Variants in MECOM observed in about 807,000 individuals in gnomAD.
MECOM encodes MDS1 and EVI1 complex locus.
A neutral mutation model predicts 116.3 loss-of-function variants in MECOM; 13 were observed. That is an observed-to-expected ratio of 0.11 (90% CI 0.07 to 0.18). MECOM has a LOEUF of 0.18. Among genes scored for constraint, MECOM ranks in the 10% least tolerant of loss-of-function variants. The pLI is 1.00. For synonymous variants in MECOM, 528 were observed against 535.2 expected, an observed-to-expected ratio of 0.99 and a Z score of 0.19; for missense variants, 1,299 against 1,509.0, an observed-to-expected ratio of 0.86 and a Z score of 2.31.
intron 1 of MECOM, among the ~76,000 whole-genome samples, chr3:169,631,822 G>A (rs1337234313): frequency 2.0e-5 from 3 of 151,926 alleles, no homozygotes; most frequent in South Asian, 4.2e-4. Context: ...CTTGGTTCAA[G>A]GCTGTTGAGT....
intron 1 of MECOM, among the ~76,000 whole-genome samples, chr3:169,659,028 A>G (rs1317641169): frequency 6.6e-6 from 1 of 151,056 alleles, no homozygotes; most frequent in Non-Finnish European, 1.5e-5. Flanking sequence ...CCAAACAGTA[A>G]CATGCTTAAA....
At chr3:169,390,061 T>C (rs1033967554) in intron 1 of MECOM, among the ~76,000 whole-genome samples, 1 of 152,188 alleles carries the variant, frequency 6.6e-6, no homozygotes, top group Non-Finnish European at 1.5e-5. Flanking sequence ...GGAGTTGTGC[T>C]TGCGTCAATA....
chr3:169,318,992 G>C (rs541072683), intron 2 of MECOM, among the ~76,000 whole-genome samples: 3 of 151,810 alleles, frequency 2.0e-5, no homozygotes, highest in African/African-American at 7.3e-5. Flanking sequence ...CCAGCTACTC[G>C]GGAGGTGAGG....
intron 1 of MECOM, among the ~76,000 whole-genome samples, chr3:169,387,403 T>C (rs557852527): frequency 2.6e-5 from 4 of 152,366 alleles, no homozygotes; most frequent in Non-Finnish European, 5.9e-5. Flanking sequence ...TAACTCACCA[T>C]TTGTTTCTTT....
At chr3:169,208,254 C>A (rs1030634628) in intron 2 of MECOM, among the ~76,000 whole-genome samples, 2 of 147,410 alleles carry the variant, frequency 1.4e-5, no homozygotes, top group Non-Finnish European at 3.0e-5. Flanking sequence ...TGTAAATATA[C>A]AATATATAAT....
chr3:169,165,406 G>A (rs1033172545), intron 2 of MECOM, among the ~76,000 whole-genome samples: 13 of 152,120 alleles, frequency 8.5e-5, no homozygotes, highest in Non-Finnish European at 4.4e-5. Flanking sequence ...CCAGAAGTGT[G>A]TAATTAGTCT....
chr3:169,643,002 A>G (rs1773693840), intron 1 of MECOM, among the ~76,000 whole-genome samples: 1 of 152,222 alleles, frequency 6.6e-6, no homozygotes, highest in Non-Finnish European at 1.5e-5. Flanking sequence ...AATATCCCCA[A>G]TCACAAAAGA....
intron 1 of MECOM, among the ~76,000 whole-genome samples, chr3:169,610,636 A>T (rs952751554): frequency 6.6e-6 from 1 of 152,130 alleles, no homozygotes; most frequent in Non-Finnish European, 1.5e-5. Context: ...CACCAGAAAC[A>T]TATTTGCTGT....
chr3:169,390,531 A>G (rs1734051088), intron 1 of MECOM, among the ~76,000 whole-genome samples: 1 of 152,028 alleles, frequency 6.6e-6, no homozygotes, highest in African/African-American at 2.4e-5. Context: ...AGAAAGCTGC[A>G]CCCCTTCACA....
At chr3:169,601,879 G>C (rs775268812) in intron 1 of MECOM, among the ~76,000 whole-genome samples, 1 of 152,280 alleles carries the variant, frequency 6.6e-6, no homozygotes, top group Middle Eastern at 3.4e-3. Flanking sequence ...TATATTTATT[G>C]ACAAGGGCAA....
At position 169,467,559 on chromosome 3, in the gene MECOM, C is replaced by T. The variant is rs531683166; in HGVS notation, c.38-86035G>A. 2.2e-4 allele frequency among the ~76,000 whole-genome samples: 33 copies of T among 152,070 alleles called. No individual in the cohort carries two copies. In the South Asian group the frequency reaches 6.5e-3, roughly 30 times the overall value. On this transcript the variant is annotated intron_variant, in intron 1 of 16. Coordinates refer to ENST00000651503, the MANE Select transcript of MECOM (RefSeq NM_004991.4). ...CTACTTTAAGTGTGTTTTTATATAC[C>T]CTTGAGTGTCCAACTAGTTAAACTA...
At chr3:169,374,953 C>A (rs762396821) in intron 2 of MECOM, among the ~76,000 whole-genome samples, 2 of 151,820 alleles carry the variant, frequency 1.3e-5, no homozygotes, top group Non-Finnish European at 2.9e-5. Context: ...TGGAAAATGG[C>A]TTTAGCTCAG....
At chr3:169,463,446 G>C (rs1260204196) in intron 1 of MECOM, among the ~76,000 whole-genome samples, 2 of 152,150 alleles carry the variant, frequency 1.3e-5, no homozygotes, top group Non-Finnish European at 2.9e-5. Flanking sequence ...TTTGCTAAAG[G>C]TGTTAAGCAA....
chr3:169,421,166 A>G (rs1739662811), intron 1 of MECOM, among the ~76,000 whole-genome samples: 1 of 152,164 alleles, frequency 6.6e-6, no homozygotes, highest in Non-Finnish European at 1.5e-5. Flanking sequence ...AAACCAGGTA[A>G]AAAGGGAAGG....
chr3:169,153,030 A>G (rs1404660428), intron 2 of MECOM, among the ~76,000 whole-genome samples: 1 of 152,182 alleles, frequency 6.6e-6, no homozygotes, highest in Non-Finnish European at 1.5e-5. Flanking sequence ...TAAGGTTGCC[A>G]TATTTAAAAT....
At chr3:169,365,541 T>C (rs891313557) in intron 2 of MECOM, among the ~76,000 whole-genome samples, 4 of 152,064 alleles carry the variant, frequency 2.6e-5, no homozygotes, top group African/African-American at 9.7e-5. Context: ...CTGACCTGTG[T>C]CACCATGGCA....
chr3:169,472,901 G>A, intron 1 of MECOM: 1 of 867,630 alleles, frequency 1.2e-6, no homozygotes, highest in Non-Finnish European at 1.4e-6. Context: ...AGACAAATAT[G>A]TCACATGTTC....
intron 1 of MECOM, among the ~76,000 whole-genome samples, chr3:169,521,931 T>C (rs1386929602): frequency 2.0e-5 from 3 of 152,212 alleles, no homozygotes; most frequent in Non-Finnish European, 4.4e-5. Context: ...ACTATTTACA[T>C]TGTATTAGGT....
intron 1 of MECOM, among the ~76,000 whole-genome samples, chr3:169,554,465 T>C (rs922906682): frequency 3.3e-5 from 5 of 152,230 alleles, no homozygotes; most frequent in Non-Finnish European, 5.9e-5. Context: ...GACTATGATT[T>C]CATTTTTTAA....
Sources: gnomAD v4.1 joint callset for allele counts (sites outside exome capture counted in the v4.1 genomes callset) on GRCh38, gnomAD v4.1.1 for gene constraint, MANE v1.5 for transcripts, NCBI Gene and HGNC (gene_info 2026-07-23, HGNC 2026-07-21) for gene names.